Variants in GLYAT observed in about 807,000 individuals in gnomAD.
The protein encoded by GLYAT is glycine-N-acyltransferase.
A neutral mutation model predicts 22.8 loss-of-function variants in GLYAT; 25 were observed. The observed-to-expected ratio is 1.09, with a 90% CI of 0.80 to 1.53. The LOEUF is 1.53. GLYAT is among the 40% of genes most tolerant of loss of function. The pLI, the probability that GLYAT is intolerant of heterozygous loss-of-function variation, is 0.00. For missense variants in GLYAT, 411 were observed against 353.9 expected (o/e 1.16, Z -1.29); for synonymous variants, 140 against 122.7 (o/e 1.14, Z -0.93).
In GLYAT at chr11:58,724,526, A is replaced by G. The variant is rs745565745; in HGVS notation, c.-15-15T>C. ...GATACCTTAGCCTAGAAAGACAACC[A>G]AGGAACATACAGGATTGAGAAAAGC... is the stretch of plus-strand genomic sequence containing the variant. On this transcript the variant is annotated splice_polypyrimidine_tract_variant and intron_variant, in intron 1 of 5. Coordinates refer to ENST00000344743, the MANE Select transcript of GLYAT (RefSeq NM_201648.3). The G allele has an allele frequency of 7.2e-7, 1 of 1,396,146 alleles. No individual in the cohort carries two copies. Among genetic ancestry groups the G allele is most frequent in the Non-Finnish European group, 1.0e-6 (1 of 991,900 alleles). 86.5% of individuals were successfully genotyped at this position (1,396,146 alleles called of 1,614,324 possible). A position where few individuals can be genotyped will look rare whatever the true frequency, so the allele number is the denominator to read the frequency against.
intron 1 of GLYAT, among the ~76,000 whole-genome samples, chr11:58,729,306 C>T (rs542557343): frequency 6.6e-6 from 1 of 152,268 alleles, no homozygotes; most frequent in South Asian, 2.1e-4. Flanking sequence ...TTCACTGTCT[C>T]TTACGTCCGT....
intron 1 of GLYAT, chr11:58,728,801 T>TGAGAGA (rs371468402): frequency 2.7e-5 from 3 of 112,582 alleles, no homozygotes; most frequent in African/African-American, 6.8e-5. Flanking sequence ...AACAGAGAGA[T>TGAGAGA]GAGAGAGAGA....
Position 58,709,999 on chromosome 11 carries a change from C to T in GLYAT, c.658G>A (p.Asp220Asn). Residue 220 changes from aspartate to asparagine, a missense_variant, in exon 6 of 6, where the codon GAT (aspartate) becomes AAT (asparagine). Asp to Asn is a conservative substitution (Grantham distance 23). Transcript: ENST00000344743. ...ATCTCTCCAGTCTGGTCCATTAGAT[C>T]CCAGCACACAGGGGTCCCCTCAGGC... The part of the protein sequence containing the change: ...LGPEGTPVCW[D>N]LMDQTGEMRM... 1.2e-6 allele frequency: 2 copies of T among 1,614,120 alleles called. No homozygotes were observed. Among genetic ancestry groups the T allele is most frequent in the East Asian group, 2.2e-5 (1 of 44,880 alleles).
In GLYAT at chr11:58,709,781, G is replaced by A; in HGVS notation, c.876C>T (p.Asn292=). ...VPIPRSWNQW[N]CVPL Reference sequence around the variant, plus strand: ...AGGATTGGCATCACAGAGGTACACAGTTCCACTGGTTCCAGCTTCTGGGAA... The same window carrying A: ...AGGATTGGCATCACAGAGGTACACAATTCCACTGGTTCCAGCTTCTGGGAA... Residue 292 remains asparagine, a synonymous_variant, in exon 6 of 6, where the codon AAC becomes AAT. Transcript: ENST00000344743. 6.2e-7 allele frequency: 1 copy of A among 1,611,324 alleles called. No individual in the cohort carries two copies. The highest frequency in any genetic ancestry group is 8.5e-7 in the Non-Finnish European group (1 of 1,178,510).
chr11:58,710,100 T>A lies in GLYAT; in HGVS notation c.557A>T (p.His186Leu), dbSNP rs1856593474. ...CTGGCTCCTCTCATTACCACCAAAA[T>A]GCCAGAATTTATTCACCAAGTGAGC... is the stretch of plus-strand genomic sequence containing the variant. ...THAHLVNKFW[H>L]FGGNERSQRF... Residue 186 changes from histidine to leucine, a missense_variant, in exon 6 of 6, where the codon CAT (histidine) becomes CTT (leucine). By Grantham distance (99) the His-to-Leu change is moderately conservative. Coordinates refer to ENST00000344743, the MANE Select transcript of GLYAT (RefSeq NM_201648.3). 6.2e-7 allele frequency: 1 copy of A among 1,614,064 alleles called. No homozygotes were observed. The highest frequency in any genetic ancestry group is 8.5e-7 in the Non-Finnish European group (1 of 1,179,978).
At chr11:58,720,993 G>A (rs879699161) in intron 2 of GLYAT, among the ~76,000 whole-genome samples, 18 of 151,516 alleles carry the variant, frequency 1.2e-4, no homozygotes, top group African/African-American at 3.4e-4. Context: ...TTTTAGTATC[G>A]CATTTAAGCA....
chr11:58,713,020 T>G, intron 3 of GLYAT, 134 bp from the exon 4 acceptor site: 1 of 564,860 alleles, frequency 1.8e-6, no homozygotes, highest in Non-Finnish European at 3.0e-6. Context: ...TCTTTTTTAT[T>G]GATACATAAT....
intron 2 of GLYAT, chr11:58,724,164 A>C (rs1224932481): frequency 8.0e-6 from 3 of 372,988 alleles, no homozygotes; most frequent in Non-Finnish European, 1.4e-5. Context: ...AGGCATAACT[A>C]TGTTCATATC....
chr11:58,720,098 C>A (rs964400709), intron 2 of GLYAT, among the ~76,000 whole-genome samples: 27 of 151,772 alleles, frequency 1.8e-4, no homozygotes, highest in South Asian at 2.1e-4. Context: ...TTTTTCATAT[C>A]TTTTTTTAGT....
chr11:58,728,548 A>C (rs1856833459), intron 1 of GLYAT: 1 of 152,012 alleles, frequency 6.6e-6, no homozygotes, highest in Admixed American at 6.6e-5. Flanking sequence ...TTACCTTTCC[A>C]CCTAAAACAA....
chr11:58,724,315 T>C (rs1856787913), intron 2 of GLYAT, 101 bp downstream of exon 2: 2 of 589,188 alleles, frequency 3.4e-6, no homozygotes, highest in Admixed American at 2.7e-5. Context: ...CATGAAATAG[T>C]GCCTGGCTCA....
rs1856664525 is a variant in GLYAT at position 58,715,223 on chromosome 11, C to G, written c.189+93G>C. 5 of 643,598 alleles carry G rather than the reference C, an allele frequency of 7.8e-6. No individual in the cohort carries two copies. The South Asian group carries it at 1.0e-4, about 13-fold the overall frequency. The allele number at this position is 643,598 out of a possible 1,614,324, so 39.9% of individuals were successfully genotyped here. The stretch of plus-strand genomic sequence containing the variant: ...ACTTGTTGACTATTACTATGATTTA[C>G]TTCTGCATGCCCTGGCTCTACCATA... On this transcript the variant is annotated intron_variant, in intron 3 of 5. Coordinates refer to ENST00000344743, the MANE Select transcript of GLYAT (RefSeq NM_201648.3).
At chr11:58,711,566 T>C (rs1856617135) in intron 4 of GLYAT, among the ~76,000 whole-genome samples, 1 of 152,210 alleles carries the variant, frequency 6.6e-6, no homozygotes, top group Non-Finnish European at 1.5e-5. Context: ...TATGATTGTG[T>C]TATTAACAGC....
intron 4 of GLYAT, among the ~76,000 whole-genome samples, 156 bp downstream of exon 4, chr11:58,712,604 C>T (rs139286707): frequency 1.8e-4 from 28 of 152,216 alleles, no homozygotes; most frequent in East Asian, 1.5e-3. Context: ...GGGTTTCCCA[C>T]GCTGTCCACC....
chr11:58,714,898 C>T (rs536679831), intron 3 of GLYAT, among the ~76,000 whole-genome samples: 1 of 152,086 alleles, frequency 6.6e-6, no homozygotes, highest in Non-Finnish European at 1.5e-5. Flanking sequence ...GTCACTCTAA[C>T]TCATTGTCCT....
chr11:58,716,221 G>T (rs1856678286), intron 2 of GLYAT, among the ~76,000 whole-genome samples: 1 of 152,068 alleles, frequency 6.6e-6, no homozygotes, highest in African/African-American at 2.4e-5. Flanking sequence ...TGATTTTGGG[G>T]TTGTGGTATG....
chr11:58,713,592 T>G (rs1396748652), intron 3 of GLYAT, among the ~76,000 whole-genome samples: 1 of 152,144 alleles, frequency 6.6e-6, no homozygotes, highest in Non-Finnish European at 1.5e-5. Flanking sequence ...AATATGTTGG[T>G]TAAACCAGTT....
intron 2 of GLYAT, among the ~76,000 whole-genome samples, chr11:58,722,223 G>C (rs1175432462): frequency 6.6e-6 from 1 of 151,934 alleles, no homozygotes; most frequent in Non-Finnish European, 1.5e-5. Context: ...TTTGTCAAAG[G>C]TCAGGGGCAT....
In GLYAT at chr11:58,723,373, G is replaced by A. The variant is rs371748868; in HGVS notation, c.81+1043C>T. On this transcript the variant is annotated intron_variant, in intron 2 of 5. Transcript: ENST00000344743. The stretch of plus-strand genomic sequence containing the variant: ...TTCAAGGTGGGTAACTTTAGATTTG[G>A]ATTAGTTTACTTGAAGCTATACTGT... 1.7e-3 allele frequency among the ~76,000 whole-genome samples: 255 copies of A among 152,106 alleles called. 2 individuals are homozygous for A. The highest frequency in any genetic ancestry group is 5.8e-3 in the African/African-American group (239 of 41,524).
Sources: gnomAD v4.1 joint callset for allele counts (sites outside exome capture counted in the v4.1 genomes callset) on GRCh38, gnomAD v4.1.1 for gene constraint, MANE v1.5 for transcripts, NCBI Gene and HGNC (gene_info 2026-07-23, HGNC 2026-07-21) for gene names.